ABLIM3: variants seen among roughly 807,000 people sequenced by gnomAD.
ABLIM3 encodes actin-binding LIM protein 3.
ABLIM3 carries 61 observed loss-of-function variants against 109.5 expected under a neutral mutation model. The ratio of observed to expected loss-of-function variants is 0.56; its 90% CI spans 0.45 to 0.69. The LOEUF is 0.69. Among genes scored for constraint, ABLIM3 ranks in the 30% least tolerant of loss-of-function variants. The probability of loss-of-function intolerance (pLI) is 0.00; values close to 1 mark genes in which losing one functional copy is unlikely to be tolerated. For synonymous variants in ABLIM3, 300 were observed against 324.8 expected, an observed-to-expected ratio of 0.92 and a Z score of 0.82; for missense variants, 796 against 889.5, an observed-to-expected ratio of 0.89 and a Z score of 1.34.
chr5:149,142,677 C>G (rs1752584996), intron 2 of ABLIM3, among the ~76,000 whole-genome samples: 1 of 152,190 alleles, frequency 6.6e-6, no homozygotes, highest in African/African-American at 2.4e-5. Context: ...TACCTGCAGG[C>G]TGGTTAGCTA....
At position 149,194,230 on chromosome 5, in the gene ABLIM3, T is replaced by C. The variant is rs543982731; in HGVS notation, c.152-3989T>C. Among the ~76,000 whole-genome samples, 5 of 152,266 alleles carry C rather than the reference T, an allele frequency of 3.3e-5. 1 individual carries two copies. Among genetic ancestry groups the C allele is most frequent in the African/African-American group, 1.2e-4 (5 of 41,556 alleles). The stretch of plus-strand genomic sequence containing the variant: ...TAAGAATTTCTACAAGTCTAAAATG[T>C]AAAAAATGAGCAAAAAACATTAGCA... On this transcript the variant is annotated intron_variant, in intron 3 of 23. Transcript: ENST00000309868.
intron 3 of ABLIM3, among the ~76,000 whole-genome samples, chr5:149,195,354 G>A (rs1310253376): frequency 2.6e-5 from 4 of 152,216 alleles, no homozygotes; most frequent in African/African-American, 4.8e-5. Context: ...GCTCAAAGCA[G>A]TTTTAACGTT....
chr5:149,200,964 G>A (rs1262067571), intron 5 of ABLIM3, among the ~76,000 whole-genome samples: 1 of 152,058 alleles, frequency 6.6e-6, no homozygotes, highest in East Asian at 1.9e-4. Context: ...ATGGAACCTA[G>A]GAATCAACAT....
intron 8 of ABLIM3, chr5:149,218,141 A>C (rs1760281416): frequency 6.6e-6 from 1 of 152,294 alleles, no homozygotes; most frequent in Non-Finnish European, 1.5e-5. Context: ...TAACCTCAGC[A>C]GACTGAGATA....
At chr5:149,252,719 C>T (rs753630571) in intron 22 of ABLIM3, 38 bp from the exon 23 acceptor site, 2 of 1,531,936 alleles carry the variant, frequency 1.3e-6, no homozygotes, top group Non-Finnish European at 1.8e-6. Flanking sequence ...AGCCCACCAC[C>T]CTCACCCAAG....
chr5:149,172,151 T>C (rs916891338), intron 2 of ABLIM3, among the ~76,000 whole-genome samples: 6 of 152,230 alleles, frequency 3.9e-5, no homozygotes, highest in Non-Finnish European at 8.8e-5. Flanking sequence ...TTTTAAATTA[T>C]GTGTGCAACC....
chr5:149,210,622 C>A (rs1759447267), intron 6 of ABLIM3, 104 bp from the exon 7 acceptor site: 1 of 914,302 alleles, frequency 1.1e-6, no homozygotes, highest in Admixed American at 1.7e-5. Flanking sequence ...AAGTATCGAA[C>A]TTTGGCTCAG....
intron 2 of ABLIM3, among the ~76,000 whole-genome samples, chr5:149,169,090 C>CAA (rs1755116248): frequency 8.0e-6 from 1 of 125,618 alleles, no homozygotes; most frequent in African/African-American, 4.1e-5. Context: ...GTAGGACCCC[C>CAA]CCACCCCCCG....
chr5:149,236,010 C>T (rs1762309970), intron 10 of ABLIM3, among the ~76,000 whole-genome samples: 2 of 152,246 alleles, frequency 1.3e-5, no homozygotes, highest in Non-Finnish European at 2.9e-5. Flanking sequence ...GCCCAGCCCA[C>T]AGCCAGCCAG....
chr5:149,227,958 A>C (rs1761484941), intron 8 of ABLIM3, among the ~76,000 whole-genome samples: 1 of 152,218 alleles, frequency 6.6e-6, no homozygotes, highest in African/African-American at 2.4e-5. Context: ...CATTCTTATC[A>C]GGATAAATGG....
At chr5:149,218,303 GC>G (rs1760300424) in intron 8 of ABLIM3, 2 of 152,272 alleles carry the variant, frequency 1.3e-5, no homozygotes, top group African/African-American at 2.4e-5. Flanking sequence ...GGTGGAAGGG[GC>G]AAGGCAGCTC....
intron 7 of ABLIM3, among the ~76,000 whole-genome samples, chr5:149,216,127 G>GA (rs1197544733): frequency 6.6e-6 from 1 of 152,180 alleles, no homozygotes; most frequent in African/African-American, 2.4e-5. Flanking sequence ...CTGGCCTGGG[G>GA]ATCTGGGGCT....
intron 12 of ABLIM3, 49 bp from the exon 13 acceptor site, chr5:149,239,710 A>G: frequency 2.0e-6 from 3 of 1,532,352 alleles, no homozygotes; most frequent in Admixed American, 4.2e-5. Context: ...CTCGGGCCAC[A>G]GGCCCACTTA....
At chr5:149,240,367 T>A in intron 13 of ABLIM3, 1 of 447,558 alleles carries the variant, frequency 2.2e-6, no homozygotes, top group Non-Finnish European at 4.1e-6. Context: ...AGGGGGAGGT[T>A]CAAGGATGGT....
rs765417846 is a variant in ABLIM3, at chr5:149,247,928, C to A, written c.1698C>A (p.Gly566=). The change falls in exon 18 of 24, where the codon GGC becomes GGA. Residue 566 remains glycine (G), a splice_region_variant and synonymous_variant. Transcript: ENST00000309868. ...CTGGCTATGAGATGTCCCTCAATGG[C>A]TGTAAGCATGGCTCTGGAAGCCCAA... The part of the protein sequence containing the change: ...HTAGYEMSLN[G]SPRSHYLADS... The A allele has an allele frequency of 6.2e-7, 1 of 1,613,662 alleles. No homozygotes were observed. The highest frequency in any genetic ancestry group is 8.5e-7 in the Non-Finnish European group (1 of 1,179,840).
At chr5:149,184,957 C>A (rs1027959701) in intron 3 of ABLIM3, among the ~76,000 whole-genome samples, 2 of 152,094 alleles carry the variant, frequency 1.3e-5, no homozygotes, top group African/African-American at 4.8e-5. Context: ...TGAGTATTGG[C>A]AAACCCCTTT....
intron 2 of ABLIM3, among the ~76,000 whole-genome samples, chr5:149,172,012 G>T (rs1755484208): frequency 6.8e-6 from 1 of 147,086 alleles, no homozygotes; most frequent in African/African-American, 2.5e-5. Context: ...TAGACTGGGG[G>T]ACTGAATTTT....
chr5:149,213,350 G>A (rs1206706433), intron 7 of ABLIM3, among the ~76,000 whole-genome samples: 1 of 152,194 alleles, frequency 6.6e-6, no homozygotes, highest in Non-Finnish European at 1.5e-5. Flanking sequence ...AGGAAGATAT[G>A]GGAAGAGAAT....
At chr5:149,156,817 T>C (rs892835964) in intron 2 of ABLIM3, among the ~76,000 whole-genome samples, 1 of 152,196 alleles carries the variant, frequency 6.6e-6, no homozygotes. Flanking sequence ...AAAGCAGCCA[T>C]AGACAATGTG....
Sources: allele counts gnomAD v4.1 joint callset (sites outside exome capture counted in the v4.1 genomes callset), GRCh38; gene constraint gnomAD v4.1.1; transcripts MANE v1.5; gene names NCBI Gene and HGNC (gene_info 2026-07-23, HGNC 2026-07-21).